CCSER1: variants seen among roughly 807,000 people sequenced by gnomAD.
CCSER1 encodes serine-rich coiled-coil domain-containing protein 1.
CCSER1 carries 41 observed loss-of-function variants against 82.0 expected under a neutral mutation model. The ratio of observed to expected loss-of-function variants is 0.50; its 90% CI spans 0.39 to 0.65. CCSER1 has a LOEUF of 0.65. Among genes scored for constraint, CCSER1 ranks in the 30% least tolerant of loss-of-function variants. The pLI is 0.00. For missense variants in CCSER1, 1,119 were observed against 1,064.2 expected, an observed-to-expected ratio of 1.05 and a Z score of -0.72; for synonymous variants, 414 against 383.9, an observed-to-expected ratio of 1.08 and a Z score of -0.92.
At chr4:90,507,017 C>T (rs574800792) in intron 5 of CCSER1, among the ~76,000 whole-genome samples, 1 of 152,088 alleles carries the variant, frequency 6.6e-6, no homozygotes, top group Non-Finnish European at 1.5e-5. Context: ...CTAGTTATTG[C>T]ATACGTTTAC....
intron 10 of CCSER1, among the ~76,000 whole-genome samples, chr4:91,557,122 C>T (rs1762443251): frequency 1.4e-5 from 2 of 147,458 alleles, no homozygotes; most frequent in South Asian, 4.3e-4. Context: ...TCAGAGTGTA[C>T]CACAGAATGT....
chr4:90,933,014 AAGAAAGAAAGAAAG>A lies in CCSER1; in HGVS notation c.2172+9569_2172+9582del, dbSNP rs1167663693. ...AAAGAAAGAAAGAAAGAAAGAAAGAAAGAAAGAAAGAAAGAAAGAAAGAAAGAAAGAGAAGGAAG... is the reference window on the plus strand; with the variant it reads ...AAAGAAAGAAAGAAAGAAAGAAAGAAAAAGAAAGAAAGAAAGAGAAGGAAG... On this transcript the variant is annotated intron_variant, in intron 9 of 10. Coordinates refer to ENST00000509176, the MANE Select transcript of CCSER1 (RefSeq NM_001145065.2). 2.3e-5 allele frequency among the ~76,000 whole-genome samples: 2 copies of A among 86,840 alleles called. 1 individual carries two copies. The highest frequency in any genetic ancestry group is 5.5e-4 in the South Asian group (2 of 3,652). The allele number at this position is 86,840 out of a possible 152,430, so 57.0% of individuals were successfully genotyped here.
chr4:91,271,926 G>A (rs1206872121), intron 10 of CCSER1, among the ~76,000 whole-genome samples: 4 of 151,996 alleles, frequency 2.6e-5, no homozygotes, highest in Non-Finnish European at 5.9e-5. Context: ...GGCTAATTTT[G>A]TATTTTTAGT....
At chr4:91,358,559 A>G (rs1749025081) in intron 10 of CCSER1, among the ~76,000 whole-genome samples, 1 of 152,162 alleles carries the variant, frequency 6.6e-6, no homozygotes. Context: ...AGTCAAAACC[A>G]AAACCAAAGT....
intron 7 of CCSER1, among the ~76,000 whole-genome samples, chr4:90,749,597 G>A (rs1340716589): frequency 1.3e-5 from 2 of 151,994 alleles, no homozygotes; most frequent in Admixed American, 6.6e-5. Context: ...AGCTTGATGG[G>A]GATGACATTG....
intron 10 of CCSER1, among the ~76,000 whole-genome samples, chr4:91,289,519 T>A (rs1252875992): frequency 6.6e-6 from 1 of 152,060 alleles, no homozygotes; most frequent in African/African-American, 2.4e-5. Context: ...GCTGTAAGAA[T>A]GAATTGAGTG....
chr4:90,221,514 T>A (rs1390929580), intron 1 of CCSER1, among the ~76,000 whole-genome samples: 1 of 152,130 alleles, frequency 6.6e-6, no homozygotes, highest in Non-Finnish European at 1.5e-5. Context: ...ACAAGCAGGA[T>A]CTGGTGTCCT....
chr4:90,914,266 T>G (rs1436013100), intron 8 of CCSER1, among the ~76,000 whole-genome samples: 1 of 152,084 alleles, frequency 6.6e-6, no homozygotes, highest in African/African-American at 2.4e-5. Flanking sequence ...TCAGCAAATG[T>G]AAAAGAACAG....
intron 10 of CCSER1, among the ~76,000 whole-genome samples, chr4:91,588,662 A>C (rs1312771282): frequency 6.6e-6 from 1 of 151,678 alleles, no homozygotes; most frequent in African/African-American, 2.4e-5. Flanking sequence ...TGATGTTTTA[A>C]ATTCTTTGAA....
intron 1 of CCSER1, among the ~76,000 whole-genome samples, chr4:90,237,569 T>G (rs1746029999): frequency 6.6e-6 from 1 of 152,216 alleles, no homozygotes; most frequent in South Asian, 2.1e-4. Context: ...CATTCATACA[T>G]CCTTAGAAAA....
chr4:90,970,778 G>A (rs1254987211), intron 9 of CCSER1, among the ~76,000 whole-genome samples: 1 of 151,720 alleles, frequency 6.6e-6, no homozygotes, highest in East Asian at 1.9e-4. Flanking sequence ...TCAATAAGAG[G>A]AAGAAAAATC....
chr4:90,408,367 A>C (rs1022017204), intron 4 of CCSER1, among the ~76,000 whole-genome samples: 1 of 152,204 alleles, frequency 6.6e-6, no homozygotes, highest in Non-Finnish European at 1.5e-5. Flanking sequence ...GAGTAGCCTA[A>C]CTGGGAGGCA....
chr4:90,850,767 T>TG (rs1338962021), intron 8 of CCSER1, among the ~76,000 whole-genome samples: 1 of 152,200 alleles, frequency 6.6e-6, no homozygotes, highest in Non-Finnish European at 1.5e-5. Flanking sequence ...ACTTTGGACT[T>TG]GGACTTTTGG....
chr4:91,002,250 T>C lies in CCSER1; in HGVS notation c.2172+78803T>C, dbSNP rs189142282. ...TGCTGAGGCAATGATCTTTTTGTGA[T>C]GAATTTCCCAGGTGTTCTTTGTGCT... On this transcript the variant is annotated intron_variant, in intron 9 of 10. Transcript: ENST00000509176. 5.6e-4 allele frequency among the ~76,000 whole-genome samples: 86 copies of C among 152,354 alleles called. 1 individual carries two copies. Among genetic ancestry groups the C allele is most frequent in the Admixed American group, 2.1e-3 (32 of 15,302 alleles).
In CCSER1 at chr4:90,933,713, T is replaced by G. The variant is rs891930007; in HGVS notation, c.2172+10266T>G. Among the ~76,000 whole-genome samples, 5 of 152,072 alleles carry G rather than the reference T, an allele frequency of 3.3e-5. No individual in the cohort carries two copies. In the South Asian group the frequency reaches 8.3e-4, roughly 25 times the overall value. Reference sequence around the variant, plus strand: ...AGTTTTTTTTTTTCTCCACTTTGGTTTTAGTATGTTAAAATAATCATATAA... The same window carrying G: ...AGTTTTTTTTTTTCTCCACTTTGGTGTTAGTATGTTAAAATAATCATATAA... On this transcript the variant is annotated intron_variant, in intron 9 of 10. Transcript: ENST00000509176.
chr4:90,800,459 T>C (rs1482826879), intron 7 of CCSER1, among the ~76,000 whole-genome samples: 3 of 152,148 alleles, frequency 2.0e-5, no homozygotes, highest in African/African-American at 7.2e-5. Context: ...ATGTAAACAA[T>C]TTCTTACCTT....
At chr4:90,867,175 G>A (rs1765845860) in intron 8 of CCSER1, among the ~76,000 whole-genome samples, 2 of 152,022 alleles carry the variant, frequency 1.3e-5, no homozygotes, top group Admixed American at 1.3e-4. Flanking sequence ...ACTGTTGCCA[G>A]TTTTGAGAGA....
chr4:90,928,482 G>A lies in CCSER1; in HGVS notation c.2172+5035G>A, dbSNP rs114355173. Among the ~76,000 whole-genome samples, 944 of 152,186 alleles carry A rather than the reference G, an allele frequency of 6.2e-3. 17 individuals carry two copies. The highest frequency in any genetic ancestry group is 0.021 in the African/African-American group (878 of 41,548). ...CTTTAACCAAACAAAAAATATTCCT[G>A]CATGGAGCTTGCAACTGGTGAGGGC... On this transcript the variant is annotated intron_variant, in intron 9 of 10. Transcript: ENST00000509176.
chr4:90,316,869 T>C (rs1736268952), intron 3 of CCSER1, among the ~76,000 whole-genome samples: 1 of 152,182 alleles, frequency 6.6e-6, no homozygotes, highest in Non-Finnish European at 1.5e-5. Flanking sequence ...CGAGAACAAA[T>C]TGGGATTGGC....
Sources: gnomAD v4.1 joint callset for allele counts (sites outside exome capture counted in the v4.1 genomes callset) on GRCh38, gnomAD v4.1.1 for gene constraint, MANE v1.5 for transcripts, NCBI Gene and HGNC (gene_info 2026-07-23, HGNC 2026-07-21) for gene names.